AKR1C8: variants seen among roughly 807,000 people sequenced by gnomAD.
AKR1C8 encodes aldo-keto reductase family 1 member C-like protein 1.
At chr10:5,165,216 TC>T in the AKR1C8 span, among the ~76,000 whole-genome samples, 2 of 152,162 alleles carry the variant, frequency 1.3e-5, no homozygotes, top group Non-Finnish European at 2.9e-5. Context: ...ATGTAAAAAT[TC>T]ACCACTGCCC....
the AKR1C8 span, among the ~76,000 whole-genome samples, chr10:5,133,487 C>G: frequency 3.3e-5 from 5 of 152,270 alleles, no homozygotes; most frequent in Non-Finnish European, 7.3e-5. Flanking sequence ...TATGATTCCT[C>G]TCTCAGTGAT....
the AKR1C8 span, among the ~76,000 whole-genome samples, chr10:5,168,989 C>T: frequency 2.6e-5 from 4 of 152,064 alleles, no homozygotes; most frequent in African/African-American, 7.2e-5. Context: ...TAGTGAAACC[C>T]ACCTCCCTAT....
the AKR1C8 span, among the ~76,000 whole-genome samples, chr10:5,137,236 T>C: frequency 4.6e-5 from 7 of 152,160 alleles, no homozygotes; most frequent in South Asian, 2.1e-4. Context: ...CCCAGCGTGA[T>C]TGATGCAGAA....
At chr10:5,151,009 G>A in the AKR1C8 span, among the ~76,000 whole-genome samples, 4 of 152,154 alleles carry the variant, frequency 2.6e-5, no homozygotes, top group African/African-American at 9.7e-5. Context: ...AACTTGGTGG[G>A]TAGGGGACCA....
the AKR1C8 span, among the ~76,000 whole-genome samples, chr10:5,177,412 T>C: frequency 3.3e-5 from 5 of 152,264 alleles, no homozygotes; most frequent in African/African-American, 9.6e-5. Context: ...TGCATCAATG[T>C]TCATCAAGGA....
the AKR1C8 span, among the ~76,000 whole-genome samples, chr10:5,127,519 G>T: frequency 2.0e-5 from 3 of 151,986 alleles, no homozygotes; most frequent in Non-Finnish European, 4.4e-5. Flanking sequence ...AGGAGTTCAA[G>T]ATCAGCCTGG....
chr10:5,136,245 C>A, the AKR1C8 span, among the ~76,000 whole-genome samples: 1 of 152,094 alleles, frequency 6.6e-6, no homozygotes, highest in Non-Finnish European at 1.5e-5. Context: ...CTTTGGAGGG[C>A]AAATTTGAAT....
chr10:5,177,685 A>G, the AKR1C8 span, among the ~76,000 whole-genome samples: 1 of 152,184 alleles, frequency 6.6e-6, no homozygotes, highest in Non-Finnish European at 1.5e-5. Context: ...CAGAGATTCA[A>G]CTTCTTCCTG....
the AKR1C8 span, among the ~76,000 whole-genome samples, chr10:5,161,389 A>G: frequency 2.0e-5 from 3 of 152,162 alleles, no homozygotes; most frequent in African/African-American, 7.2e-5. Context: ...GCGGAGCCCA[A>G]AGGAGCCCAT....
chr10:5,157,390 A>G, the AKR1C8 span, among the ~76,000 whole-genome samples: 1 of 152,222 alleles, frequency 6.6e-6, no homozygotes, highest in Non-Finnish European at 1.5e-5. Flanking sequence ...AACGGATGAA[A>G]ATAAGTGAGT....
At chr10:5,137,613 C>A in the AKR1C8 span, among the ~76,000 whole-genome samples, 3 of 152,242 alleles carry the variant, frequency 2.0e-5, no homozygotes, top group East Asian at 5.8e-4. Context: ...AACCCACAGC[C>A]AATATCATAC....
At chr10:5,126,161 T>C in the AKR1C8 span, among the ~76,000 whole-genome samples, 9,614 of 152,154 alleles carry the variant, frequency 0.063, 352 homozygotes, top group Middle Eastern at 0.082. Flanking sequence ...GAAGGGGTCT[T>C]CTTTCCCCCC....
chr10:5,171,663 AT>A, the AKR1C8 span, among the ~76,000 whole-genome samples: 1 of 152,014 alleles, frequency 6.6e-6, no homozygotes, highest in Non-Finnish European at 1.5e-5. Flanking sequence ...ACCCTTTATA[AT>A]TTTTGTTAAA....
At chr10:5,176,293 T>C in the AKR1C8 span, among the ~76,000 whole-genome samples, 33 of 120,086 alleles carry the variant, frequency 2.7e-4, 4 homozygotes, top group South Asian at 7.2e-3. Context: ...GTTGTAGATA[T>C]GCGGCATTAT....
At chr10:5,123,945 A>G in the AKR1C8 span, 128 of 998,312 alleles carry the variant, frequency 1.3e-4, 1 homozygote, top group African/African-American at 1.9e-3. Flanking sequence ...AACTGACAAT[A>G]TTACTGTCAA....
the AKR1C8 span, among the ~76,000 whole-genome samples, chr10:5,124,865 C>T: frequency 1.3e-5 from 2 of 152,094 alleles, no homozygotes; most frequent in African/African-American, 2.4e-5. Context: ...TTCATGCTGC[C>T]TACTGCGGTG....
chr10:5,173,176 C>T, the AKR1C8 span, among the ~76,000 whole-genome samples: 2 of 151,792 alleles, frequency 1.3e-5, no homozygotes, highest in Non-Finnish European at 2.9e-5. Flanking sequence ...AGTGGCAAGA[C>T]AGAATGGAGA....
chr10:5,182,900 C>T, the AKR1C8 span, among the ~76,000 whole-genome samples: 1 of 149,792 alleles, frequency 6.7e-6, no homozygotes, highest in Non-Finnish European at 1.5e-5. Context: ...GGAGAGCAGA[C>T]TCTGTCTCAA....
chr10:5,149,942 A>C, the AKR1C8 span, among the ~76,000 whole-genome samples: 1 of 151,740 alleles, frequency 6.6e-6, no homozygotes, highest in Non-Finnish European at 1.5e-5. Context: ...AAAGCTATAA[A>C]AACAGCTCAA....
Sources: allele counts gnomAD v4.1 joint callset (sites outside exome capture counted in the v4.1 genomes callset), GRCh38; gene constraint gnomAD v4.1.1; transcripts MANE v1.5; gene names NCBI Gene and HGNC (gene_info 2026-07-23, HGNC 2026-07-21).